DCK: variants seen among roughly 807,000 people sequenced by gnomAD.
The protein encoded by DCK is deoxycytidine kinase.
In DCK, 23 loss-of-function variants were observed where a neutral mutation model predicts 38.3. That is an observed-to-expected ratio of 0.60 (90% CI 0.43 to 0.85). The LOEUF (loss-of-function observed/expected upper bound fraction) is 0.85, where lower values mean the gene tolerates loss of function less well. Among genes scored for constraint, DCK ranks in the 40% least tolerant of loss-of-function variants. The probability of loss-of-function intolerance (pLI) is 0.00; values close to 1 mark genes in which losing one functional copy is unlikely to be tolerated. For synonymous variants in DCK, 108 were observed against 100.6 expected (o/e 1.07, Z -0.44); for missense variants, 259 against 304.4 (o/e 0.85, Z 1.11).
At chr4:71,020,988 T>G (rs952658460) in intron 2 of DCK, among the ~76,000 whole-genome samples, 10 of 152,170 alleles carry the variant, frequency 6.6e-5, no homozygotes, top group Non-Finnish European at 1.0e-4. Context: ...TTGTCATTGT[T>G]TATAGGCCTT....
chr4:70,997,943 A>G, intron 1 of DCK, 124 bp from the exon 2 acceptor site: 1 of 483,066 alleles, frequency 2.1e-6, no homozygotes, highest in Admixed American at 3.9e-5. Flanking sequence ...GAAAGTTTAG[A>G]AAGTTGAATG....
intron 2 of DCK, among the ~76,000 whole-genome samples, chr4:71,003,285 C>T (rs903223685): frequency 1.3e-5 from 2 of 152,198 alleles, no homozygotes; most frequent in African/African-American, 4.8e-5. Context: ...AATGTTAGTC[C>T]CCACTCTCTT....
chr4:71,011,442 C>T (rs925283919), intron 2 of DCK, among the ~76,000 whole-genome samples: 7 of 151,988 alleles, frequency 4.6e-5, no homozygotes, highest in African/African-American at 7.3e-5. Flanking sequence ...CTGCAGCCTC[C>T]GCCTCCTGGG....
chr4:71,030,523 A>C lies in DCK; in HGVS notation c.*1145A>C, dbSNP rs549315034. Reference sequence around the variant, plus strand: ...CCAGACGCACTGATCTTTGCAAAGGAGACTTAATTTCAAATCTGTAATTAC... The same window carrying C: ...CCAGACGCACTGATCTTTGCAAAGGCGACTTAATTTCAAATCTGTAATTAC... On this transcript the variant is annotated 3_prime_UTR_variant, in exon 7 of 7. Coordinates refer to ENST00000286648, the MANE Select transcript of DCK (RefSeq NM_000788.3). 7 of 152,218 alleles carry C rather than the reference A, an allele frequency of 4.6e-5. No homozygotes were observed. Among genetic ancestry groups the C allele is most frequent in the Non-Finnish European group, 7.4e-5 (5 of 68,006 alleles). 9.4% of individuals were successfully genotyped at this position (152,218 alleles called of 1,614,324 possible).
intron 2 of DCK, among the ~76,000 whole-genome samples, chr4:71,016,246 A>G (rs1395270690): frequency 6.6e-6 from 1 of 152,228 alleles, no homozygotes; most frequent in Non-Finnish European, 1.5e-5. Context: ...GGACCTCTTC[A>G]AGGAGAACTA....
chr4:70,996,382 T>C (rs1327420950), intron 1 of DCK, among the ~76,000 whole-genome samples: 1 of 152,124 alleles, frequency 6.6e-6, no homozygotes, highest in Non-Finnish European at 1.5e-5. Context: ...AAAAATTAAA[T>C]TTGTTGCTAA....
chr4:70,997,088 G>A (rs1447757478), intron 1 of DCK, among the ~76,000 whole-genome samples: 1 of 152,140 alleles, frequency 6.6e-6, no homozygotes, highest in African/African-American at 2.4e-5. Flanking sequence ...GACTTTTTAA[G>A]TATGACCATA....
chr4:71,021,288 G>A (rs1196850674), intron 2 of DCK, among the ~76,000 whole-genome samples: 2 of 150,576 alleles, frequency 1.3e-5, no homozygotes, highest in Admixed American at 6.6e-5. Context: ...TGTTAGCCAG[G>A]ATGGTCTCGA....
intron 3 of DCK, among the ~76,000 whole-genome samples, chr4:71,023,064 T>C (rs1439137108): frequency 6.6e-6 from 1 of 152,194 alleles, no homozygotes; most frequent in East Asian, 1.9e-4. Context: ...CTATTGATAC[T>C]TAACATTACT....
At chr4:71,029,323 T>C (rs372267150) in intron 6 of DCK, 29 bp from the exon 7 acceptor site, 5 of 1,520,264 alleles carry the variant, frequency 3.3e-6, no homozygotes, top group East Asian at 2.3e-5. Flanking sequence ...CAAGGAATTA[T>C]ACTGATTTTT....
intron 2 of DCK, among the ~76,000 whole-genome samples, chr4:71,015,332 A>T (rs1181041236): frequency 2.6e-5 from 4 of 152,218 alleles, no homozygotes; most frequent in African/African-American, 7.2e-5. Flanking sequence ...AGATGGATTC[A>T]CAGCCGAATT....
chr4:71,001,579 A>G (rs924793904), intron 2 of DCK, among the ~76,000 whole-genome samples: 18 of 152,030 alleles, frequency 1.2e-4, no homozygotes, highest in African/African-American at 4.3e-4. Flanking sequence ...TCCTCTTTCT[A>G]CCTGTGGTAG....
intron 5 of DCK, among the ~76,000 whole-genome samples, chr4:71,026,256 G>A (rs72552092): frequency 2.6e-5 from 4 of 152,180 alleles, no homozygotes; most frequent in Non-Finnish European, 5.9e-5. Context: ...ATTGTATAGC[G>A]TGGTTGTTGA....
chr4:70,997,479 T>A (rs11728260), intron 1 of DCK, among the ~76,000 whole-genome samples: 1 of 152,180 alleles, frequency 6.6e-6, no homozygotes, highest in African/African-American at 2.4e-5. Context: ...TCACCTTCTT[T>A]ACTGCCTCGC....
At chr4:71,014,157 C>A (rs184987505) in intron 2 of DCK, among the ~76,000 whole-genome samples, 3 of 152,158 alleles carry the variant, frequency 2.0e-5, no homozygotes, top group Non-Finnish European at 2.9e-5. Flanking sequence ...CAACAAAGAT[C>A]AAAAGAGACA....
intron 2 of DCK, among the ~76,000 whole-genome samples, chr4:71,010,973 G>C (rs1026635129): frequency 2.1e-5 from 3 of 146,172 alleles, no homozygotes; most frequent in African/African-American, 7.6e-5. Context: ...GTCTCGTTCT[G>C]TCGCTCAGGC....
chr4:70,997,287 C>T (rs140515517), intron 1 of DCK, among the ~76,000 whole-genome samples: 1,637 of 152,244 alleles, frequency 0.011, 15 homozygotes, highest in Middle Eastern at 0.017. Context: ...GCTTTCACTT[C>T]CACTTAACAT....
At chr4:71,003,580 C>T (rs1437070628) in intron 2 of DCK, among the ~76,000 whole-genome samples, 1 of 151,902 alleles carries the variant, frequency 6.6e-6, no homozygotes, top group Non-Finnish European at 1.5e-5. Flanking sequence ...TCGTCAGTTT[C>T]AGGTATACCA....
rs146065358 is a variant in DCK at position 71,027,124 on chromosome 4, C to T, written c.756+369C>T. ...CTGCTTTGTCCCCATTTCTTCCTCT[C>T]TTCCCTACACCACCAATCTTTAGAT... is the stretch of plus-strand genomic sequence containing the variant. On this transcript the variant is annotated intron_variant, in intron 6 of 6. Transcript: ENST00000286648. 4.9e-3 allele frequency among the ~76,000 whole-genome samples: 743 copies of T among 152,026 alleles called. 11 individuals are homozygous for T. Among genetic ancestry groups the T allele is most frequent in the African/African-American group, 0.017 (717 of 41,484 alleles).
Sources: allele counts gnomAD v4.1 joint callset (sites outside exome capture counted in the v4.1 genomes callset), GRCh38; gene constraint gnomAD v4.1.1; transcripts MANE v1.5; gene names NCBI Gene and HGNC (gene_info 2026-07-23, HGNC 2026-07-21).